Variants in NEGR1 observed in about 807,000 individuals in gnomAD.
NEGR1 encodes IgLON family member 4.
Under a neutral mutation model 40.9 loss-of-function variants are expected in NEGR1, and 10 were observed. The observed-to-expected ratio is 0.24, with a 90% CI of 0.15 to 0.42. NEGR1 has a LOEUF of 0.42. NEGR1 is among the 10% of genes least tolerant of loss of function. The pLI, the probability that NEGR1 is intolerant of heterozygous loss-of-function variation, is 1.00. For synonymous variants in NEGR1, 185 were observed against 166.8 expected (o/e 1.11, Z -0.84); for missense variants, 352 against 438.9 (o/e 0.80, Z 1.77).
At chr1:72,273,538 T>C (rs1313320411) in intron 1 of NEGR1, among the ~76,000 whole-genome samples, 2 of 151,932 alleles carry the variant, frequency 1.3e-5, no homozygotes, top group Non-Finnish European at 2.9e-5. Flanking sequence ...ACTTCAAACT[T>C]TTCTGCTTAA....
chr1:71,429,176 A>T (rs1188027421), intron 6 of NEGR1, among the ~76,000 whole-genome samples: 3 of 152,144 alleles, frequency 2.0e-5, no homozygotes, highest in African/African-American at 7.2e-5. Flanking sequence ...GTACTGGTAC[A>T]CATACCTATA....
chr1:71,894,610 C>A (rs927362886), intron 2 of NEGR1, among the ~76,000 whole-genome samples: 2 of 152,188 alleles, frequency 1.3e-5, no homozygotes, highest in African/African-American at 4.8e-5. Context: ...ATCAAGACTC[C>A]AGGCTACCAA....
At chr1:71,495,600 A>G (rs1353185233) in intron 6 of NEGR1, among the ~76,000 whole-genome samples, 1 of 152,140 alleles carries the variant, frequency 6.6e-6, no homozygotes. Flanking sequence ...ATATCACAAA[A>G]TTTGTCACAG....
chr1:71,547,013 A>C (rs1647921203), intron 6 of NEGR1, among the ~76,000 whole-genome samples: 1 of 151,708 alleles, frequency 6.6e-6, no homozygotes. Flanking sequence ...AGTTGGTTTG[A>C]TACTCTAATC....
intron 1 of NEGR1, among the ~76,000 whole-genome samples, chr1:72,280,980 G>A (rs1656221361): frequency 6.6e-6 from 1 of 151,924 alleles, no homozygotes; most frequent in South Asian, 2.1e-4. Flanking sequence ...GAAGGAATAG[G>A]GCGTTTAGCT....
intron 3 of NEGR1, among the ~76,000 whole-genome samples, chr1:71,747,098 T>C (rs767918685): frequency 6.6e-5 from 10 of 152,188 alleles, no homozygotes; most frequent in Admixed American, 1.3e-4. Flanking sequence ...TATGACTATT[T>C]CCTCTAGTGA....
chr1:71,906,412 T>C (rs141219304), intron 2 of NEGR1, among the ~76,000 whole-genome samples: 2 of 151,092 alleles, frequency 1.3e-5, no homozygotes, highest in Non-Finnish European at 2.9e-5. Flanking sequence ...AAAATACAAT[T>C]TAAAAAATAA....
chr1:71,926,903 G>A (rs1031764909), intron 2 of NEGR1, among the ~76,000 whole-genome samples: 2 of 152,012 alleles, frequency 1.3e-5, no homozygotes, highest in African/African-American at 4.8e-5. Flanking sequence ...TCTTTTGGAA[G>A]TAAAATACTA....
chr1:71,835,551 A>C (rs1658997239), intron 2 of NEGR1, among the ~76,000 whole-genome samples: 1 of 152,094 alleles, frequency 6.6e-6, no homozygotes, highest in African/African-American at 2.4e-5. Context: ...GTTCTAACAA[A>C]AGAGGATGCT....
At chr1:71,998,589 T>A (rs571253837) in intron 1 of NEGR1, among the ~76,000 whole-genome samples, 2 of 151,952 alleles carry the variant, frequency 1.3e-5, no homozygotes, top group Admixed American at 1.3e-4. Flanking sequence ...CCCACCTACC[T>A]TCTCTTGCTA....
intron 4 of NEGR1, among the ~76,000 whole-genome samples, chr1:71,669,340 G>A (rs12073464): frequency 0.036 from 5,474 of 151,966 alleles, 124 homozygotes; most frequent in African/African-American, 0.07. Context: ...ATAATAAAAT[G>A]TTTGGGTATA....
At chr1:71,778,945 T>C (rs1656606661) in intron 2 of NEGR1, among the ~76,000 whole-genome samples, 1 of 152,174 alleles carries the variant, frequency 6.6e-6, no homozygotes, top group Admixed American at 6.5e-5. Flanking sequence ...CATTTACCTA[T>C]AGGAGATTGT....
chr1:72,017,126 ATGTGTGTGTG>A (rs143863573), intron 1 of NEGR1, among the ~76,000 whole-genome samples: 120 of 146,876 alleles, frequency 8.2e-4, no homozygotes, highest in Middle Eastern at 3.5e-3. Context: ...ATACACATAT[ATGTGTGTGTG>A]TGTGTGTGTG....
At chr1:71,445,617 C>G (rs1395465924) in intron 6 of NEGR1, among the ~76,000 whole-genome samples, 2 of 152,156 alleles carry the variant, frequency 1.3e-5, no homozygotes, top group African/African-American at 2.4e-5. Flanking sequence ...AAACTTCAAT[C>G]TAAACTGCAG....
At chr1:71,998,622 A>G (rs1646526801) in intron 1 of NEGR1, among the ~76,000 whole-genome samples, 1 of 151,854 alleles carries the variant, frequency 6.6e-6, no homozygotes, top group Non-Finnish European at 1.5e-5. Flanking sequence ...CTCATATCAC[A>G]AAGCACTGCT....
intron 1 of NEGR1, among the ~76,000 whole-genome samples, chr1:72,216,558 T>G (rs1553151263): frequency 2.0e-5 from 3 of 151,050 alleles, no homozygotes; most frequent in Admixed American, 1.3e-4. Flanking sequence ...TAGTTTTATC[T>G]AATTATCAAA....
intron 3 of NEGR1, among the ~76,000 whole-genome samples, chr1:71,767,738 A>T (rs565173793): frequency 6.6e-6 from 1 of 152,334 alleles, no homozygotes; most frequent in East Asian, 1.9e-4. Flanking sequence ...AGCTCATGGA[A>T]GCTCCTCCCA....
intron 3 of NEGR1, among the ~76,000 whole-genome samples, chr1:71,715,237 A>G (rs1654236285): frequency 6.6e-6 from 1 of 152,162 alleles, no homozygotes; most frequent in African/African-American, 2.4e-5. Flanking sequence ...ACTGCACATG[A>G]CAGCAAGGCC....
At chr1:72,262,606 T>A (rs1329576006) in intron 1 of NEGR1, among the ~76,000 whole-genome samples, 8 of 151,980 alleles carry the variant, frequency 5.3e-5, no homozygotes, top group Non-Finnish European at 7.4e-5. Context: ...ATTAGTTGTA[T>A]CAATGAATAA....
Sources: gnomAD v4.1 joint callset for allele counts (sites outside exome capture counted in the v4.1 genomes callset) on GRCh38, gnomAD v4.1.1 for gene constraint, MANE v1.5 for transcripts, NCBI Gene and HGNC (gene_info 2026-07-23, HGNC 2026-07-21) for gene names.